The following RALYL variants were observed in gnomAD, a reference collection of about 807,000 sequenced individuals.
The protein encoded by RALYL is RNA-binding Raly-like protein.
Under a neutral mutation model 35.1 loss-of-function variants are expected in RALYL, and 29 were observed. The observed-to-expected ratio is 0.83, with a 90% CI of 0.61 to 1.13. The LOEUF (loss-of-function observed/expected upper bound fraction) is 1.13, where lower values mean the gene tolerates loss of function less well. RALYL is among the 50% of genes most tolerant of loss of function. RALYL has a pLI of 0.00. For synonymous variants in RALYL, 120 were observed against 127.6 expected (o/e 0.94, Z 0.40); for missense variants, 359 against 360.4 (o/e 1.00, Z 0.03).
intron 1 of RALYL, among the ~76,000 whole-genome samples, chr8:84,347,148 C>T (rs1272132600): frequency 6.6e-6 from 1 of 151,926 alleles, no homozygotes; most frequent in Non-Finnish European, 1.5e-5. Flanking sequence ...TTGCAGTGAG[C>T]TGAGATCATG....
intron 1 of RALYL, among the ~76,000 whole-genome samples, chr8:84,265,682 TA>T (rs906926607): frequency 6.8e-6 from 1 of 147,180 alleles, no homozygotes; most frequent in African/African-American, 2.4e-5. Flanking sequence ...TTGGATTGTT[TA>T]AAACACTAAA....
At chr8:84,820,779 T>C (rs1279137961) in intron 4 of RALYL, among the ~76,000 whole-genome samples, 2 of 151,854 alleles carry the variant, frequency 1.3e-5, no homozygotes, top group Non-Finnish European at 2.9e-5. Flanking sequence ...GGAACATGAG[T>C]TTTTTAAGGT....
chr8:84,237,523 T>A (rs1319289656), intron 1 of RALYL, among the ~76,000 whole-genome samples: 1 of 146,976 alleles, frequency 6.8e-6, no homozygotes, highest in Non-Finnish European at 1.5e-5. Context: ...TTTCTGGAAA[T>A]AATTTTTTTA....
chr8:84,273,521 C>G (rs1162029738), intron 1 of RALYL, among the ~76,000 whole-genome samples: 1 of 152,198 alleles, frequency 6.6e-6, no homozygotes, highest in African/African-American at 2.4e-5. Context: ...CATTAAATCC[C>G]CATTCAGGGA....
intron 1 of RALYL, among the ~76,000 whole-genome samples, chr8:84,329,919 A>T (rs990869943): frequency 6.6e-6 from 1 of 152,078 alleles, no homozygotes; most frequent in Admixed American, 6.6e-5. Context: ...AATCATATTG[A>T]ATAAATCCCT....
At chr8:84,412,369 T>A (rs888669013) in intron 1 of RALYL, among the ~76,000 whole-genome samples, 3 of 151,962 alleles carry the variant, frequency 2.0e-5, no homozygotes, top group African/African-American at 7.2e-5. Flanking sequence ...TTTCTGACTA[T>A]GATAAAAGCC....
At chr8:84,867,179 T>C (rs1298854400) in intron 6 of RALYL, among the ~76,000 whole-genome samples, 1 of 152,170 alleles carries the variant, frequency 6.6e-6, no homozygotes, top group Non-Finnish European at 1.5e-5. Flanking sequence ...TTGTGTGTCT[T>C]GTCTAATAAA....
At chr8:84,870,361 C>G (rs957225084) in intron 6 of RALYL, among the ~76,000 whole-genome samples, 3 of 151,374 alleles carry the variant, frequency 2.0e-5, no homozygotes, top group Non-Finnish European at 4.4e-5. Flanking sequence ...TGGGTTCAAG[C>G]AATTCTCTGC....
chr8:84,218,647 C>T, intron 1 of RALYL, among the ~76,000 whole-genome samples: 1 of 151,994 alleles, frequency 6.6e-6, no homozygotes, highest in Admixed American at 6.6e-5. Flanking sequence ...GTGTTTCTAA[C>T]TCCAACACTG....
At chr8:84,310,843 C>T (rs1438627525) in intron 1 of RALYL, among the ~76,000 whole-genome samples, 4 of 148,290 alleles carry the variant, frequency 2.7e-5, no homozygotes, top group Non-Finnish European at 5.9e-5. Flanking sequence ...GTCAGGAGAT[C>T]GAGACCGTCC....
chr8:84,630,273 T>C (rs755777659), intron 2 of RALYL, among the ~76,000 whole-genome samples: 1 of 152,012 alleles, frequency 6.6e-6, no homozygotes, highest in Non-Finnish European at 1.5e-5. Context: ...ACAGCTTGGC[T>C]ACCTAGTGTG....
chr8:84,819,530 T>C (rs1458201942), intron 4 of RALYL, among the ~76,000 whole-genome samples: 1 of 152,220 alleles, frequency 6.6e-6, no homozygotes, highest in East Asian at 1.9e-4. Flanking sequence ...CATGGGCTCC[T>C]GTATGCATTT....
chr8:84,305,325 A>G (rs1010155441), intron 1 of RALYL, among the ~76,000 whole-genome samples: 11 of 152,202 alleles, frequency 7.2e-5, no homozygotes, highest in Non-Finnish European at 1.0e-4. Flanking sequence ...TGCTTTAATC[A>G]TTCGTCTAGT....
chr8:84,693,023 T>C (rs1396523363), intron 2 of RALYL, among the ~76,000 whole-genome samples: 1 of 152,028 alleles, frequency 6.6e-6, no homozygotes, highest in Non-Finnish European at 1.5e-5. Flanking sequence ...CCACACCTTA[T>C]TTTAAATGTC....
chr8:84,448,727 A>G (rs711007), intron 1 of RALYL, among the ~76,000 whole-genome samples: 69,336 of 151,822 alleles, frequency 0.46, 15,886 homozygotes, highest in South Asian at 0.55. Flanking sequence ...ATAGAGATTC[A>G]TACATTTTGT....
intron 1 of RALYL, among the ~76,000 whole-genome samples, chr8:84,428,141 CACGT>C (rs2046743181): frequency 6.6e-6 from 1 of 151,338 alleles, no homozygotes; most frequent in African/African-American, 2.4e-5. Flanking sequence ...CACACACACA[CACGT>C]GGTTCAATAT....
chr8:84,620,249 G>C (rs1407453449), intron 2 of RALYL, among the ~76,000 whole-genome samples: 3 of 152,132 alleles, frequency 2.0e-5, no homozygotes, highest in Non-Finnish European at 4.4e-5. Flanking sequence ...CGTAGATTTG[G>C]TCTTTTCACA....
At chr8:84,301,563 C>T (rs1055178687) in intron 1 of RALYL, among the ~76,000 whole-genome samples, 12 of 151,762 alleles carry the variant, frequency 7.9e-5, no homozygotes, top group South Asian at 2.1e-4. Flanking sequence ...AAACTCACAA[C>T]GTGATCTTAA....
chr8:84,490,079 A>ATGTGTGTGTGTGTGTG (rs143193843), intron 1 of RALYL, among the ~76,000 whole-genome samples: 3 of 144,366 alleles, frequency 2.1e-5, no homozygotes, highest in East Asian at 2.0e-4. Context: ...GCTTGCGTGC[A>ATGTGTGTGTGTGTGTG]TGTGTGTGTG....
Sources: allele counts gnomAD v4.1 joint callset (sites outside exome capture counted in the v4.1 genomes callset), GRCh38; gene constraint gnomAD v4.1.1; transcripts MANE v1.5; gene names NCBI Gene and HGNC (gene_info 2026-07-23, HGNC 2026-07-21).